The following ABI1 variants were observed in gnomAD, a reference collection of about 807,000 sequenced individuals.
The protein encoded by ABI1 is abl interactor 1.
Under a neutral mutation model 54.6 loss-of-function variants are expected in ABI1, and 14 were observed. The observed-to-expected ratio is 0.26, with a 90% CI of 0.17 to 0.40. The LOEUF (loss-of-function observed/expected upper bound fraction) is 0.40. Ranked by LOEUF, ABI1 falls within the 10% of genes least tolerant of loss-of-function variation. The pLI, the probability that ABI1 is intolerant of heterozygous loss-of-function variation, is 1.00. For synonymous variants in ABI1, 194 were observed against 209.3 expected, an observed-to-expected ratio of 0.93 and a Z score of 0.63; for missense variants, 443 against 598.3, an observed-to-expected ratio of 0.74 and a Z score of 2.71.
chr10:26,808,983 C>A (rs1196924936), intron 2 of ABI1, among the ~76,000 whole-genome samples: 2 of 151,090 alleles, frequency 1.3e-5, no homozygotes, highest in Non-Finnish European at 3.0e-5. Flanking sequence ...TTAAAAAAAA[C>A]AACTGGCCGG....
At chr10:26,793,405 A>G (rs1843717232) in intron 2 of ABI1, among the ~76,000 whole-genome samples, 3 of 152,242 alleles carry the variant, frequency 2.0e-5, no homozygotes, top group Admixed American at 2.0e-4. Context: ...AGAATGACCC[A>G]TATACACACC....
chr10:26,823,047 G>C, intron 2 of ABI1, 91 bp downstream of exon 2: 3 of 1,188,088 alleles, frequency 2.5e-6, no homozygotes, highest in South Asian at 3.0e-5. Context: ...AGTAAGATGA[G>C]TCAGAAATCC....
At chr10:26,787,431 A>G (rs1409832805) in intron 2 of ABI1, among the ~76,000 whole-genome samples, 1 of 152,028 alleles carries the variant, frequency 6.6e-6, no homozygotes, top group East Asian at 1.9e-4. Flanking sequence ...TACTTCACTC[A>G]CACACTGCAG....
chr10:26,825,036 G>A (rs1049016087), intron 1 of ABI1, among the ~76,000 whole-genome samples: 1 of 152,202 alleles, frequency 6.6e-6, no homozygotes, highest in Non-Finnish European at 1.5e-5. Context: ...GTGTGCTGGT[G>A]GAGGGCTTTG....
intron 2 of ABI1, among the ~76,000 whole-genome samples, chr10:26,805,624 T>C (rs1564522106): frequency 6.6e-6 from 1 of 152,146 alleles, no homozygotes; most frequent in African/African-American, 2.4e-5. Context: ...AAAAAGCATA[T>C]TGAACAGAAG....
chr10:26,790,600 T>G (rs1411649096), intron 2 of ABI1: 1 of 152,162 alleles, frequency 6.6e-6, no homozygotes, highest in African/African-American at 2.4e-5. Context: ...ATGCTAATCC[T>G]CTCTGTATTG....
intron 2 of ABI1, among the ~76,000 whole-genome samples, chr10:26,783,672 G>A (rs1172875339): frequency 1.3e-5 from 2 of 152,120 alleles, no homozygotes; most frequent in African/African-American, 4.8e-5. Flanking sequence ...TGGCTTGATT[G>A]GTCTACTCTC....
chr10:26,816,263 T>C (rs900419727), intron 2 of ABI1, among the ~76,000 whole-genome samples: 11 of 152,182 alleles, frequency 7.2e-5, no homozygotes, highest in African/African-American at 2.4e-4. Context: ...GAAATTCGAA[T>C]TGAATGTAAA....
At chr10:26,753,356 A>C (rs1468002644) in intron 9 of ABI1, among the ~76,000 whole-genome samples, 1 of 152,210 alleles carries the variant, frequency 6.6e-6, no homozygotes, top group Non-Finnish European at 1.5e-5. Context: ...TCCTGACATC[A>C]AACAGCCATA....
At chr10:26,769,254 T>C (rs746973938) in intron 5 of ABI1, among the ~76,000 whole-genome samples, 1 of 152,174 alleles carries the variant, frequency 6.6e-6, no homozygotes, top group Non-Finnish European at 1.5e-5. Flanking sequence ...CTAAAAATTA[T>C]GGTTATAATT....
At chr10:26,756,914 T>C (rs1325908539) in intron 8 of ABI1, among the ~76,000 whole-genome samples, 1 of 152,172 alleles carries the variant, frequency 6.6e-6, no homozygotes, top group Non-Finnish European at 1.5e-5. Flanking sequence ...AAAGCAATTA[T>C]GTGCATTAAT....
intron 1 of ABI1, among the ~76,000 whole-genome samples, chr10:26,835,447 C>T (rs1386233263): frequency 6.6e-6 from 1 of 151,930 alleles, no homozygotes; most frequent in Non-Finnish European, 1.5e-5. Flanking sequence ...TGGTGGTGCA[C>T]ACCTGTGGTC....
intron 7 of ABI1, among the ~76,000 whole-genome samples, chr10:26,764,603 AT>A (rs1320479053): frequency 2.0e-5 from 3 of 152,162 alleles, no homozygotes; most frequent in East Asian, 3.8e-4. Context: ...TGCGAGGCAA[AT>A]ACAGTCAGCC....
At chr10:26,772,119 T>C (rs1005475327) in intron 3 of ABI1, among the ~76,000 whole-genome samples, 3 of 152,234 alleles carry the variant, frequency 2.0e-5, no homozygotes, top group East Asian at 1.9e-4. Flanking sequence ...TTCTCATTTA[T>C]AGAAACTGTG....
intron 1 of ABI1, among the ~76,000 whole-genome samples, chr10:26,832,532 C>T (rs2048753211): frequency 6.6e-6 from 1 of 151,802 alleles, no homozygotes; most frequent in African/African-American, 2.4e-5. Context: ...TGCAGTGAAC[C>T]GAGATCACGT....
rs545995612 is a variant in ABI1 at position 26,792,823 on chromosome 10, C to G, written c.286-15582G>C. Among the ~76,000 whole-genome samples the G allele has an allele frequency of 5.3e-5, 8 of 152,274 alleles. No individual in the cohort carries two copies. The South Asian group carries it at 1.7e-3, about 32-fold the overall frequency. Reference sequence around the variant, plus strand: ...TCTTTTAAGATATGATTATTTTAAACTGCTGTATAGAAATAGGTTTTCATT... The same window carrying G: ...TCTTTTAAGATATGATTATTTTAAAGTGCTGTATAGAAATAGGTTTTCATT... On this transcript the variant is annotated intron_variant, in intron 2 of 10. Coordinates refer to ENST00000376140, the MANE Select transcript of ABI1 (RefSeq NM_001012750.3).
intron 2 of ABI1, among the ~76,000 whole-genome samples, chr10:26,815,885 T>A (rs893233286): frequency 5.3e-5 from 8 of 152,194 alleles, no homozygotes; most frequent in African/African-American, 1.9e-4. Context: ...CACTCCAGCC[T>A]GAGCAACAGA....
chr10:26,747,639 C>A lies in ABI1; in HGVS notation c.*931G>T. The A allele has an allele frequency of 5.0e-6, 1 of 198,744 alleles. No homozygotes were observed. The highest frequency in any genetic ancestry group is 1.0e-5 in the Non-Finnish European group (1 of 96,202). The allele number at this position is 198,744 out of a possible 1,614,324, so 12.3% of individuals were successfully genotyped here. A position where few individuals can be genotyped will look rare whatever the true frequency, so the allele number is the denominator to read the frequency against. On this transcript the variant is annotated 3_prime_UTR_variant, in exon 11 of 11. Transcript: ENST00000376140. Reference sequence around the variant, plus strand: ...TACAGAATGAATGCACACAATTTGACACATTTTCTTAGTTTCAAAAGATTA... The same window carrying A: ...TACAGAATGAATGCACACAATTTGAAACATTTTCTTAGTTTCAAAAGATTA...
At chr10:26,857,865 A>T (rs2050964113) in intron 1 of ABI1, among the ~76,000 whole-genome samples, 1 of 139,918 alleles carries the variant, frequency 7.1e-6, no homozygotes. Context: ...AAAAAAAAAA[A>T]GAAAGAAAAA....
Sources: gnomAD v4.1 joint callset for allele counts (sites outside exome capture counted in the v4.1 genomes callset) on GRCh38, gnomAD v4.1.1 for gene constraint, MANE v1.5 for transcripts, NCBI Gene and HGNC (gene_info 2026-07-23, HGNC 2026-07-21) for gene names.